Variants in SORCS2 observed in about 807,000 individuals in gnomAD.
The protein encoded by SORCS2 is VPS10 domain-containing receptor SorCS2.
Under a neutral mutation model 141.6 loss-of-function variants are expected in SORCS2, and 100 were observed. The ratio of observed to expected loss-of-function variants is 0.71; its 90% CI spans 0.60 to 0.83. SORCS2 has a LOEUF of 0.83. SORCS2 is among the 40% of genes least tolerant of loss of function. The pLI is 0.00. For missense variants in SORCS2, 1,646 were observed against 1,560.2 expected (o/e 1.05, Z -0.93); for synonymous variants, 789 against 676.9 (o/e 1.17, Z -2.57).
chr4:7,424,707 G>A (rs933829277), intron 2 of SORCS2, among the ~76,000 whole-genome samples: 20 of 152,300 alleles, frequency 1.3e-4, no homozygotes, highest in African/African-American at 4.8e-4. Flanking sequence ...CTCTCAGCAG[G>A]ACAAAGCAGT....
intron 3 of SORCS2, among the ~76,000 whole-genome samples, chr4:7,605,554 G>C (rs1253419333): frequency 2.0e-5 from 3 of 152,126 alleles, no homozygotes; most frequent in Non-Finnish European, 4.4e-5. Flanking sequence ...AAGCTTAACA[G>C]TGCACCTTGA....
chr4:7,598,114 G>T (rs114031838), intron 3 of SORCS2, among the ~76,000 whole-genome samples: 1 of 152,074 alleles, frequency 6.6e-6, no homozygotes, highest in Non-Finnish European at 1.5e-5. Flanking sequence ...GATTACAGGC[G>T]TAAGCCACCC....
At chr4:7,633,603 G>A (rs1720039561) in intron 3 of SORCS2, among the ~76,000 whole-genome samples, 2 of 152,230 alleles carry the variant, frequency 1.3e-5, no homozygotes, top group Non-Finnish European at 2.9e-5. Context: ...CTTCATTCAT[G>A]TGCAAAACTT....
chr4:7,499,586 C>T (rs562385253), intron 2 of SORCS2, among the ~76,000 whole-genome samples: 50 of 152,092 alleles, frequency 3.3e-4, no homozygotes, highest in Admixed American at 9.2e-4. Context: ...GGGTGGGGGC[C>T]GGCATGGGAG....
chr4:7,507,171 T>TTAA (rs1460671244), intron 2 of SORCS2, among the ~76,000 whole-genome samples: 2 of 120,038 alleles, frequency 1.7e-5, no homozygotes, highest in Non-Finnish European at 3.6e-5. Flanking sequence ...TAAATTCTTT[T>TTAA]TTATTATTAT....
intron 2 of SORCS2, among the ~76,000 whole-genome samples, chr4:7,401,873 G>A (rs1724616870): frequency 6.6e-6 from 1 of 152,192 alleles, no homozygotes. Context: ...GTTAGGGATA[G>A]GAAGTGATTC....
At chr4:7,449,666 C>T (rs1355072522) in intron 2 of SORCS2, among the ~76,000 whole-genome samples, 1 of 151,872 alleles carries the variant, frequency 6.6e-6, no homozygotes, top group African/African-American at 2.4e-5. Flanking sequence ...TGTGCAAGGT[C>T]CTCCGGAGCC....
Position 7,542,279 on chromosome 4 carries a change from A to G in SORCS2, c.648+10650A>G, listed in dbSNP as rs557491157. Among the ~76,000 whole-genome samples the G allele has an allele frequency of 1.5e-3, 227 of 152,332 alleles. 1 individual carries two copies. The highest frequency in any genetic ancestry group is 2.6e-3 in the Non-Finnish European group (179 of 68,036). ...GCTTTGGGCTGAATTGTGCCCCCCA[A>G]AAAAATATGTCCGTGTCATAACTCC... On this transcript the variant is annotated intron_variant, in intron 3 of 26. Transcript: ENST00000507866.
rs1717012779 is a variant in SORCS2, at chr4:7,295,841, C to T, written c.481-100447C>T. 2.0e-5 allele frequency among the ~76,000 whole-genome samples: 3 copies of T among 152,352 alleles called. No individual in the cohort carries two copies. In the South Asian group the frequency reaches 6.2e-4, roughly 32 times the overall value. On this transcript the variant is annotated intron_variant, in intron 1 of 26. Coordinates refer to ENST00000507866, the MANE Select transcript of SORCS2 (RefSeq NM_020777.3). ...CCACACCTCTCCCACCTGGGATTGGCCAGGCTGATGGAGCAGCATGCCCAG... is the reference window on the plus strand; with the variant it reads ...CCACACCTCTCCCACCTGGGATTGGTCAGGCTGATGGAGCAGCATGCCCAG...
At chr4:7,721,959 G>A (rs1410241717) in intron 18 of SORCS2, among the ~76,000 whole-genome samples, 1 of 152,052 alleles carries the variant, frequency 6.6e-6, no homozygotes, top group Non-Finnish European at 1.5e-5. Flanking sequence ...GTGAATGGAG[G>A]GTATTATGGT....
intron 4 of SORCS2, among the ~76,000 whole-genome samples, chr4:7,645,562 A>G (rs1166955272): frequency 6.6e-6 from 1 of 152,088 alleles, no homozygotes; most frequent in Non-Finnish European, 1.5e-5. Flanking sequence ...TGGCTCCGTA[A>G]AAGGCCACAG....
intron 2 of SORCS2, among the ~76,000 whole-genome samples, chr4:7,399,821 A>AG (rs1724457013): frequency 6.6e-6 from 1 of 152,176 alleles, no homozygotes; most frequent in Non-Finnish European, 1.5e-5. Context: ...AGTTTGGGCC[A>AG]GCCAGGGAAG....
At chr4:7,641,794 A>ATGGATGGATGGATGGATGGATGGGTGGG (rs1720744471) in intron 4 of SORCS2, among the ~76,000 whole-genome samples, 1 of 95,772 alleles carries the variant, frequency 1.0e-5, no homozygotes, top group African/African-American at 3.2e-5. Flanking sequence ...GGATGGATGG[A>ATGGATGGATGGATGGATGGATGGGTGGG]TGGATGGATG....
intron 2 of SORCS2, among the ~76,000 whole-genome samples, chr4:7,423,467 A>G (rs2109197346): frequency 6.6e-6 from 1 of 152,138 alleles, no homozygotes. Context: ...CCCAGGCTGG[A>G]GTGCAGTGAT....
chr4:7,249,371 G>T (rs1319774381), intron 1 of SORCS2, among the ~76,000 whole-genome samples: 1 of 151,864 alleles, frequency 6.6e-6, no homozygotes, highest in African/African-American at 2.4e-5. Flanking sequence ...AGTGGAAGTG[G>T]AAAAAAAAGT....
chr4:7,204,278 T>C (rs951448), intron 1 of SORCS2, among the ~76,000 whole-genome samples: 93,766 of 151,908 alleles, frequency 0.62, 31,412 homozygotes, highest in East Asian at 0.92. Context: ...TGCAGTGATG[T>C]GGTCACAGCT....
At chr4:7,349,596 G>C (rs1280171073) in intron 1 of SORCS2, among the ~76,000 whole-genome samples, 1 of 152,186 alleles carries the variant, frequency 6.6e-6, no homozygotes, top group East Asian at 1.9e-4. Flanking sequence ...TGCCTACCGT[G>C]CTCTGGCATG....
chr4:7,219,720 C>T (rs980246758), intron 1 of SORCS2, among the ~76,000 whole-genome samples: 1 of 152,198 alleles, frequency 6.6e-6, no homozygotes, highest in Non-Finnish European at 1.5e-5. Context: ...TGGGTCCCTC[C>T]CATGACACGT....
Position 7,686,005 on chromosome 4 carries a change from C to T in SORCS2, c.1488+3116C>T, listed in dbSNP as rs113368812. On this transcript the variant is annotated intron_variant, in intron 10 of 26. Coordinates refer to ENST00000507866, the MANE Select transcript of SORCS2 (RefSeq NM_020777.3). ...AATAACTGGGCATTTTTGTTCTTTA[C>T]AATCTTTTCGCTCATACACACGTTA... Among the ~76,000 whole-genome samples, 374 of 152,348 alleles carry T rather than the reference C, an allele frequency of 2.5e-3. 1 individual carries two copies. Among genetic ancestry groups the T allele is most frequent in the Non-Finnish European group, 4.3e-3 (292 of 68,038 alleles).
Sources: gnomAD v4.1 joint callset for allele counts (sites outside exome capture counted in the v4.1 genomes callset) on GRCh38, gnomAD v4.1.1 for gene constraint, MANE v1.5 for transcripts, NCBI Gene and HGNC (gene_info 2026-07-23, HGNC 2026-07-21) for gene names.